Variants in SLC22A8 observed in about 807,000 individuals in gnomAD.
SLC22A8 encodes organic anion transporter 3.
SLC22A8 carries 40 observed loss-of-function variants against 48.4 expected under a neutral mutation model. The observed-to-expected ratio is 0.83, with a 90% CI of 0.64 to 1.08. SLC22A8 has a LOEUF of 1.08. SLC22A8 is among the 50% of genes least tolerant of loss of function. The pLI, the probability that SLC22A8 is intolerant of heterozygous loss-of-function variation, is 0.00. For missense variants in SLC22A8, 606 were observed against 699.0 expected, an observed-to-expected ratio of 0.87 and a Z score of 1.50; for synonymous variants, 268 against 286.3, an observed-to-expected ratio of 0.94 and a Z score of 0.65.
rs142690078 is a variant in SLC22A8, at chr11:62,993,778, T to C, written c.1317A>G (p.Thr439=). The C allele has an allele frequency of 5.6e-6, 9 of 1,612,234 alleles. No individual in the cohort carries two copies. Among genetic ancestry groups the C allele is most frequent in the Admixed American group, 1.7e-5 (1 of 60,012 alleles). The change falls in exon 9 of 11, where the codon ACA becomes ACG. Residue 439 remains threonine (T), a synonymous_variant. Coordinates refer to ENST00000336232, the MANE Select transcript of SLC22A8 (RefSeq NM_004254.4). ...CCAGGTCCAGCACCTACCTGATGAC[T>C]GTGGGGTATAATTCACTTGTGTAGA... ...LFLYTSELYP[T]VIRQTGMGVS...
intron 3 of SLC22A8, among the ~76,000 whole-genome samples, chr11:63,000,099 C>G (rs2086474313): frequency 6.6e-6 from 1 of 152,198 alleles, no homozygotes; most frequent in South Asian, 2.1e-4. Flanking sequence ...AAAGGACCGC[C>G]CATCTCTAAG....
chr11:63,006,595 G>GGTTTTTTTTTTTTTTTTT (rs2086557104), intron 2 of SLC22A8, among the ~76,000 whole-genome samples: 1 of 51,402 alleles, frequency 1.9e-5, no homozygotes, highest in Non-Finnish European at 3.5e-5. Flanking sequence ...TCTCATTTGA[G>GGTTTTTTTTTTTTTTTTT]TTTTTTTTTT....
rs2086364775 is a variant in SLC22A8 at position 62,993,267 on chromosome 11, C to A, written c.1599G>T (p.Gln533His). The A allele has an allele frequency of 6.2e-7, 1 of 1,613,172 alleles. No individual in the cohort carries two copies. The highest frequency in any genetic ancestry group is 2.2e-5 in the East Asian group (1 of 44,870). Residue 533 changes from glutamine (Q) to histidine (H), a missense_variant, in exon 11 of 11, where the codon CAG becomes CAT. Physicochemically the swap from Gln to His is conservative, Grantham distance 24 (BLOSUM62 0). Transcript: ENST00000336232. The stretch of plus-strand genomic sequence containing the variant: ...TGGAGCCCAGGCCTGGTCCGTGAGG[C>A]TGTAGAGGGATCCTCTGGGAGGCCT... ...VEKASQRIPL[Q>H]PHGPGLGSS
chr11:62,994,549 C>A lies in SLC22A8; in HGVS notation c.1209G>T (p.Val403=). 6.2e-7 allele frequency: 1 copy of A among 1,605,572 alleles called. No individual in the cohort carries two copies. The highest frequency in any genetic ancestry group is 8.5e-7 in the Non-Finnish European group (1 of 1,175,452). Residue 403 remains valine (V), a synonymous_variant, in exon 8 of 11, where the codon GTG becomes GTT. Coordinates refer to ENST00000336232, the MANE Select transcript of SLC22A8 (RefSeq NM_004254.4). ...GTAGCCCCAGTCTCTCACCCAAGGG[C>A]ACAAAGGTGAGAGCCAAGATGGCCC... ...AGGAILALTF[V]PLDLQTVRTV...
chr11:63,009,400 C>A (rs2086592228), intron 2 of SLC22A8, among the ~76,000 whole-genome samples: 1 of 152,056 alleles, frequency 6.6e-6, no homozygotes, highest in Admixed American at 6.5e-5. Context: ...GGGCTTCTTG[C>A]AGCCCTGGAG....
At chr11:63,008,658 C>T (rs1250087738) in intron 2 of SLC22A8, among the ~76,000 whole-genome samples, 1 of 152,172 alleles carries the variant, frequency 6.6e-6, no homozygotes, top group Non-Finnish European at 1.5e-5. Flanking sequence ...ACTCAATTCA[C>T]AATAGCTGTC....
chr11:62,996,350 C>T (rs1445690618), intron 5 of SLC22A8, among the ~76,000 whole-genome samples, 198 bp from the exon 6 acceptor site: 1 of 152,268 alleles, frequency 6.6e-6, no homozygotes, highest in Non-Finnish European at 1.5e-5. Context: ...CCAGTGTTCT[C>T]TTCTTCCCCT....
intron 2 of SLC22A8, among the ~76,000 whole-genome samples, chr11:63,006,595 G>GTTTTTTGTTTT: frequency 1.9e-5 from 1 of 51,428 alleles, no homozygotes; most frequent in South Asian, 1.0e-3. Context: ...TCTCATTTGA[G>GTTTTTTGTTTT]TTTTTTTTTT....
chr11:63,005,135 T>A (rs1223328050), intron 2 of SLC22A8, among the ~76,000 whole-genome samples: 1 of 152,184 alleles, frequency 6.6e-6, no homozygotes, highest in Non-Finnish European at 1.5e-5. Flanking sequence ...TAAATATTTT[T>A]AAAAAATTGA....
chr11:63,014,855 T>A lies in SLC22A8; in HGVS notation c.104A>T (p.Asn35Ile). ...GLPILNMANH[N>I]LLQIFTAATP... ...GGCGGCTGTGAAGATCTGCAGCAGG[T>A]TGTGGTTGGCCATGTTGAGGATCGG... Residue 35 changes from asparagine to isoleucine, a missense_variant, in exon 2 of 11, where the codon AAC becomes ATC. Asn to Ile is a moderately radical substitution (Grantham distance 149). Coordinates refer to ENST00000336232, the MANE Select transcript of SLC22A8 (RefSeq NM_004254.4). 1 of 1,611,562 alleles carries A rather than the reference T, an allele frequency of 6.2e-7. No individual in the cohort carries two copies. The highest frequency in any genetic ancestry group is 8.5e-7 in the Non-Finnish European group (1 of 1,178,308).
chr11:63,010,512 G>C (rs770210078), intron 2 of SLC22A8, among the ~76,000 whole-genome samples: 1 of 152,182 alleles, frequency 6.6e-6, no homozygotes, highest in South Asian at 2.1e-4. Flanking sequence ...CATGGAACTG[G>C]ACTTGTTATG....
chr11:63,006,945 A>G (rs989600030), intron 2 of SLC22A8, among the ~76,000 whole-genome samples: 1 of 152,160 alleles, frequency 6.6e-6, no homozygotes, highest in Non-Finnish European at 1.5e-5. Context: ...AATAGTTGCT[A>G]CATAGTATAT....
At chr11:63,004,521 G>A (rs1242165135) in intron 2 of SLC22A8, among the ~76,000 whole-genome samples, 1 of 152,090 alleles carries the variant, frequency 6.6e-6, no homozygotes, top group Non-Finnish European at 1.5e-5. Flanking sequence ...TACTTGACTT[G>A]CACCTCCTTC....
intron 6 of SLC22A8, 94 bp from the exon 7 acceptor site, chr11:62,995,913 T>C: frequency 1.3e-6 from 2 of 1,536,152 alleles, no homozygotes; most frequent in Non-Finnish European, 1.8e-6. Flanking sequence ...CTAGAGGAGC[T>C]CAGGGAATCA....
intron 2 of SLC22A8, among the ~76,000 whole-genome samples, chr11:63,005,557 G>A (rs1442503194): frequency 6.6e-6 from 1 of 152,232 alleles, no homozygotes; most frequent in Non-Finnish European, 1.5e-5. Context: ...TGTTGTAGAT[G>A]TAATTAGCTA....
chr11:62,999,736 G>A lies in SLC22A8; in HGVS notation c.544C>T (p.Leu182=). 6.2e-7 allele frequency: 1 copy of A among 1,606,128 alleles called. No homozygotes were observed. The highest frequency in any genetic ancestry group is 8.5e-7 in the Non-Finnish European group (1 of 1,176,326). ...ATGCCTGAGATGCCAAAGCCACACA[G>A]GAAGCGGAAGACCATGTAGATGGGG... ...TFPIYMVFRF[L]CGFGISGITL... The change falls in exon 4 of 11, where the codon CTG becomes TTG. Residue 182 remains leucine, a synonymous_variant. Transcript: ENST00000336232.
At chr11:63,015,080 CGAGCACAGGTGTGTGGAGCA>C in intron 1 of SLC22A8, 97 bp from the exon 2 acceptor site, 2 of 735,798 alleles carry the variant, frequency 2.7e-6, no homozygotes, top group South Asian at 4.2e-5. Context: ...GGTGGATATG[CGAGCACAGGTGTGTGGAGCA>C]GAGCATGTGT....
intron 2 of SLC22A8, among the ~76,000 whole-genome samples, chr11:63,002,186 A>C (rs2086503183): frequency 6.6e-6 from 1 of 152,198 alleles, no homozygotes; most frequent in African/African-American, 2.4e-5. Context: ...CTGGAATTAC[A>C]GATGTGAGTC....
In SLC22A8 at chr11:63,010,352, C is replaced by T. The variant is rs1323335084; in HGVS notation, c.333+4274G>A. ...AGGTGTCACCTGGACTGATCTCGCT[C>T]TTCACCAAATACCCTGCCTTCCTCA... On this transcript the variant is annotated intron_variant, in intron 2 of 10. Coordinates refer to ENST00000336232, the MANE Select transcript of SLC22A8 (RefSeq NM_004254.4). Among the ~76,000 whole-genome samples the T allele has an allele frequency of 2.0e-5, 3 of 152,302 alleles. No individual in the cohort carries two copies. In the East Asian group the frequency reaches 5.8e-4, roughly 29 times the overall value.
Sources: allele counts gnomAD v4.1 joint callset (sites outside exome capture counted in the v4.1 genomes callset), GRCh38; gene constraint gnomAD v4.1.1; transcripts MANE v1.5; gene names NCBI Gene and HGNC (gene_info 2026-07-23, HGNC 2026-07-21).